DPP10: variants seen among roughly 807,000 people sequenced by gnomAD.
DPP10 encodes the protein inactive dipeptidyl peptidase 10.
A neutral mutation model predicts 120.9 loss-of-function variants in DPP10; 33 were observed. That is an observed-to-expected ratio of 0.27 (90% CI 0.21 to 0.37). DPP10 has a LOEUF of 0.37. DPP10 is among the 10% of genes least tolerant of loss of function. The pLI, the probability that DPP10 is intolerant of heterozygous loss-of-function variation, is 1.00. For missense variants in DPP10, 816 were observed against 942.8 expected, an observed-to-expected ratio of 0.87 and a Z score of 1.76; for synonymous variants, 337 against 326.1, an observed-to-expected ratio of 1.03 and a Z score of -0.36.
chr2:115,663,501 T>C (rs1393157934), intron 5 of DPP10, among the ~76,000 whole-genome samples: 1 of 152,156 alleles, frequency 6.6e-6, no homozygotes, highest in East Asian at 1.9e-4. Flanking sequence ...TAAAAAGTTG[T>C]TCCTTCTGGG....
chr2:115,148,101 G>T (rs779429174), intron 1 of DPP10, among the ~76,000 whole-genome samples: 101 of 152,176 alleles, frequency 6.6e-4, no homozygotes, highest in Admixed American at 1.0e-3. Context: ...CTGTCACTGA[G>T]TTCACAAAGG....
At chr2:115,178,514 A>G (rs190434125) in intron 1 of DPP10, among the ~76,000 whole-genome samples, 6 of 152,344 alleles carry the variant, frequency 3.9e-5, no homozygotes, top group Admixed American at 2.6e-4. Context: ...GAGAGTGGCT[A>G]CTTTACTGGT....
chr2:115,004,518 G>T (rs994090840), intron 1 of DPP10, among the ~76,000 whole-genome samples: 2 of 152,178 alleles, frequency 1.3e-5, no homozygotes, highest in Admixed American at 6.5e-5. Flanking sequence ...CGTGCACCGT[G>T]CGCGAGCCAA....
intron 1 of DPP10, among the ~76,000 whole-genome samples, chr2:115,003,418 G>T (rs1701586678): frequency 1.3e-5 from 2 of 151,912 alleles, no homozygotes; most frequent in African/African-American, 2.4e-5. Context: ...TGGGTACTAT[G>T]CTCATTACAT....
intron 1 of DPP10, among the ~76,000 whole-genome samples, chr2:114,896,420 T>G (rs557799286): frequency 3.9e-5 from 6 of 152,172 alleles, no homozygotes; most frequent in East Asian, 1.9e-4. Flanking sequence ...TTGAGCAGTG[T>G]TTTGTAGTTC....
chr2:114,663,666 T>TAGAGAGAGAGAGAGAG (rs1264946349), intron 1 of DPP10, among the ~76,000 whole-genome samples: 139 of 92,570 alleles, frequency 1.5e-3, no homozygotes, highest in East Asian at 0.011. Flanking sequence ...TATATATATA[T>TAGAGAGAGAGAGAGAG]ATAGAGAGAG....
intron 1 of DPP10, among the ~76,000 whole-genome samples, chr2:115,146,948 G>A (rs191415326): frequency 6.6e-5 from 10 of 152,120 alleles, no homozygotes; most frequent in Admixed American, 3.3e-4. Flanking sequence ...ATCATTTTCT[G>A]TTTTTTATAA....
At chr2:115,752,762 T>C (rs1678908778) in intron 10 of DPP10, among the ~76,000 whole-genome samples, 1 of 152,090 alleles carries the variant, frequency 6.6e-6, no homozygotes, top group East Asian at 1.9e-4. Flanking sequence ...ATTGTGATTT[T>C]AAAGAAAAAA....
chr2:115,453,890 A>T (rs539161312), intron 3 of DPP10, among the ~76,000 whole-genome samples: 1 of 151,510 alleles, frequency 6.6e-6, no homozygotes, highest in Non-Finnish European at 1.5e-5. Flanking sequence ...ACAAATTACC[A>T]AGACTGACAA....
intron 1 of DPP10, among the ~76,000 whole-genome samples, chr2:115,290,997 T>G (rs1424575381): frequency 6.6e-6 from 1 of 152,058 alleles, no homozygotes; most frequent in African/African-American, 2.4e-5. Flanking sequence ...GAATCAGGCT[T>G]TGTCCCTGAG....
intron 1 of DPP10, among the ~76,000 whole-genome samples, chr2:114,706,352 A>G (rs1317709977): frequency 2.6e-5 from 4 of 152,242 alleles, no homozygotes; most frequent in Non-Finnish European, 5.9e-5. Flanking sequence ...TTAAAATAAC[A>G]GTAATTTACG....
intron 1 of DPP10, among the ~76,000 whole-genome samples, chr2:114,581,068 T>C (rs1690470164): frequency 6.6e-6 from 1 of 152,166 alleles, no homozygotes; most frequent in African/African-American, 2.4e-5. Flanking sequence ...TCTGTAGGGT[T>C]TTGGCATTTC....
chr2:115,701,475 A>G (rs986337412), intron 7 of DPP10, among the ~76,000 whole-genome samples: 1 of 152,128 alleles, frequency 6.6e-6, no homozygotes, highest in Non-Finnish European at 1.5e-5. Flanking sequence ...CTAAAACTAT[A>G]AAACTTTTAG....
At chr2:115,789,008 T>C (rs917993721) in intron 17 of DPP10, among the ~76,000 whole-genome samples, 1 of 151,786 alleles carries the variant, frequency 6.6e-6, no homozygotes. Flanking sequence ...GTCCCAGCTA[T>C]TCAGGAGGCT....
intron 9 of DPP10, among the ~76,000 whole-genome samples, chr2:115,745,597 C>T (rs376381552): frequency 6.6e-6 from 1 of 150,454 alleles, no homozygotes; most frequent in African/African-American, 2.4e-5. Flanking sequence ...GCATACATTA[C>T]GGTTTTGGAA....
At chr2:114,980,137 C>T (rs1442111494) in intron 1 of DPP10, among the ~76,000 whole-genome samples, 4 of 151,994 alleles carry the variant, frequency 2.6e-5, no homozygotes, top group African/African-American at 7.2e-5. Context: ...AACTTGTTTA[C>T]AAGCAGGATG....
chr2:115,572,322 A>G (rs2081383729), intron 5 of DPP10, among the ~76,000 whole-genome samples: 1 of 152,038 alleles, frequency 6.6e-6, no homozygotes, highest in African/African-American at 2.4e-5. Context: ...CTTCTGATGC[A>G]TCCTTTCCAC....
In DPP10 at chr2:114,818,812, T is replaced by G. The variant is rs550255012; in HGVS notation, c.60+375974T>G. On this transcript the variant is annotated intron_variant, in intron 1 of 25. Coordinates refer to ENST00000410059, the MANE Select transcript of DPP10 (RefSeq NM_020868.6). ...CCACATTTTATCCATGAACCTTTTC[T>G]ACCACACGCACCATTCTTTATCCCC... 1.8e-4 allele frequency among the ~76,000 whole-genome samples: 27 copies of G among 152,192 alleles called. 1 individual carries two copies. The highest frequency in any genetic ancestry group is 1.6e-3 in the Admixed American group (24 of 15,270).
chr2:115,675,983 T>C (rs1199699761), intron 5 of DPP10, among the ~76,000 whole-genome samples: 1 of 152,152 alleles, frequency 6.6e-6, no homozygotes, highest in Admixed American at 6.5e-5. Context: ...CTGAAGCACA[T>C]GCAGGACCCT....
Sources: gnomAD v4.1 joint callset for allele counts (sites outside exome capture counted in the v4.1 genomes callset) on GRCh38, gnomAD v4.1.1 for gene constraint, MANE v1.5 for transcripts, NCBI Gene and HGNC (gene_info 2026-07-23, HGNC 2026-07-21) for gene names.